Variants in KATNBL1 observed in about 807,000 individuals in gnomAD.
KATNBL1 encodes the protein katanin regulatory subunit B1 like 1.
KATNBL1 carries 28 observed loss-of-function variants against 44.7 expected under a neutral mutation model. The ratio of observed to expected loss-of-function variants is 0.63; its 90% CI spans 0.46 to 0.86. The LOEUF is 0.86. Among genes scored for constraint, KATNBL1 ranks in the 40% least tolerant of loss-of-function variants. The probability of loss-of-function intolerance (pLI) is 0.00; values close to 1 mark genes in which losing one functional copy is unlikely to be tolerated. For synonymous variants in KATNBL1, 78 were observed against 114.9 expected, an observed-to-expected ratio of 0.68 and a Z score of 2.06; for missense variants, 272 against 350.7, an observed-to-expected ratio of 0.78 and a Z score of 1.79.
chr15:34,150,326 C>G (rs1375740345), intron 4 of KATNBL1, among the ~76,000 whole-genome samples: 1 of 152,200 alleles, frequency 6.6e-6, no homozygotes, highest in East Asian at 1.9e-4. Context: ...CACAGTGGCT[C>G]ACACCTGTAA....
intron 1 of KATNBL1, among the ~76,000 whole-genome samples, chr15:34,172,888 T>C (rs1439828800): frequency 6.6e-6 from 1 of 152,110 alleles, no homozygotes; most frequent in African/African-American, 2.4e-5. Context: ...TCAAAACTAA[T>C]AGAGCTATAC....
At chr15:34,205,284 G>A (rs1361776746) in intron 1 of KATNBL1, among the ~76,000 whole-genome samples, 3 of 152,200 alleles carry the variant, frequency 2.0e-5, no homozygotes, top group Non-Finnish European at 4.4e-5. Flanking sequence ...GAGCCACTGT[G>A]CCTGAAGAGT....
intron 1 of KATNBL1, among the ~76,000 whole-genome samples, chr15:34,191,615 G>A (rs1217502511): frequency 6.6e-6 from 1 of 152,028 alleles, no homozygotes; most frequent in Admixed American, 6.6e-5. Context: ...TGGTAGTGTG[G>A]TTATGTGTTT....
chr15:34,181,853 G>GTCCATATATATA (rs61069155), intron 1 of KATNBL1, among the ~76,000 whole-genome samples: 67,177 of 74,982 alleles, frequency 0.9, 30,683 homozygotes, highest in East Asian at 0.99. Flanking sequence ...CATATATATA[G>GTCCATATATATA]TCCATATATA....
At chr15:34,205,564 G>A (rs191417130) in intron 1 of KATNBL1, among the ~76,000 whole-genome samples, 40 of 152,252 alleles carry the variant, frequency 2.6e-4, no homozygotes, top group Admixed American at 2.0e-3. Context: ...TAATAGTTCT[G>A]AAAGGCGATT....
At chr15:34,188,137 T>TAAAAAAACAAAAAAAAAAAAAAAAAA (rs1491479355) in intron 1 of KATNBL1, among the ~76,000 whole-genome samples, 1 of 22,098 alleles carries the variant, frequency 4.5e-5, no homozygotes, top group East Asian at 2.2e-3. Context: ...AGACGCCATG[T>TAAAAAAACAAAAAAAAAAAAAAAAAA]AAAAAAAAAA....
chr15:34,146,455 T>A (rs925716092), intron 8 of KATNBL1: 2 of 239,606 alleles, frequency 8.3e-6, no homozygotes, highest in Non-Finnish European at 1.6e-5. Context: ...TATTACACTG[T>A]GGGCATCTCT....
intron 1 of KATNBL1, among the ~76,000 whole-genome samples, chr15:34,193,487 T>C (rs889869476): frequency 2.6e-5 from 4 of 151,960 alleles, no homozygotes; most frequent in African/African-American, 9.7e-5. Context: ...TGAACAGAGA[T>C]GGCGCCACTG....
At chr15:34,203,401 A>T (rs9672544) in intron 1 of KATNBL1, among the ~76,000 whole-genome samples, 23,460 of 152,166 alleles carry the variant, frequency 0.15, 1,954 homozygotes, top group African/African-American at 0.21. Context: ...CTTCAGCCAC[A>T]CTGGCCTTCT....
chr15:34,204,468 T>C (rs367828260), intron 1 of KATNBL1, among the ~76,000 whole-genome samples: 6 of 152,240 alleles, frequency 3.9e-5, no homozygotes, highest in Admixed American at 1.3e-4. Context: ...TCATGTCCCC[T>C]AGTCAGCCTT....
At chr15:34,146,612 G>C (rs1000341315) in intron 8 of KATNBL1, 149 bp downstream of exon 8, 51 of 574,346 alleles carry the variant, frequency 8.9e-5, no homozygotes, top group Admixed American at 7.2e-4. Flanking sequence ...TTTCACAAAT[G>C]AACAGTCTCT....
chr15:34,198,370 A>G (rs1333919249), intron 1 of KATNBL1: 1 of 152,176 alleles, frequency 6.6e-6, no homozygotes, highest in Non-Finnish European at 1.5e-5. Flanking sequence ...TTATAATACA[A>G]TATGTCAAGC....
intron 1 of KATNBL1, among the ~76,000 whole-genome samples, chr15:34,178,851 T>C (rs943024735): frequency 1.3e-5 from 2 of 152,016 alleles, no homozygotes. Flanking sequence ...GGCCTGTACG[T>C]ACTGATTCCT....
At chr15:34,193,627 G>T (rs1285948092) in intron 1 of KATNBL1, among the ~76,000 whole-genome samples, 3 of 151,946 alleles carry the variant, frequency 2.0e-5, no homozygotes, top group Non-Finnish European at 4.4e-5. Context: ...AAATGCAGTT[G>T]GGTCGCTTGA....
intron 1 of KATNBL1, among the ~76,000 whole-genome samples, chr15:34,183,300 G>C (rs550823033): frequency 6.6e-6 from 1 of 152,178 alleles, no homozygotes; most frequent in African/African-American, 2.4e-5. Context: ...TCAGGCCAAT[G>C]GGAGTTAAAA....
intron 1 of KATNBL1, among the ~76,000 whole-genome samples, chr15:34,178,158 C>T (rs11852537): frequency 0.33 from 49,863 of 152,002 alleles, 8,599 homozygotes; most frequent in African/African-American, 0.45. Flanking sequence ...TTTCTATTTT[C>T]GTTAATTGAA....
intron 1 of KATNBL1, among the ~76,000 whole-genome samples, chr15:34,200,813 TGTTTTG>T (rs1428564216): frequency 1.0e-4 from 11 of 108,914 alleles, no homozygotes; most frequent in African/African-American, 4.2e-4. Flanking sequence ...TCAGTGTTTT[TGTTTTG>T]TTTTGTTTTG....
In KATNBL1 at chr15:34,152,895, A is replaced by C. The variant is rs1327170309; in HGVS notation, c.333T>G (p.Pro111=). 6.2e-7 allele frequency: 1 copy of C among 1,613,864 alleles called. No individual in the cohort carries two copies. The highest frequency in any genetic ancestry group is 8.5e-7 in the Non-Finnish European group (1 of 1,179,854). Residue 111 remains proline (P), a synonymous_variant, in exon 4 of 10, where the codon CCT becomes CCG. Coordinates refer to ENST00000256544, the MANE Select transcript of KATNBL1 (RefSeq NM_024713.3). ...TTCGACTATCATGGTGTAATTTTTC[A>C]GGCAGGTGGCCTGCACAAGCCAGTT... The part of the protein sequence containing the change: ...ENELACAGHL[P]EKLHHDSRTY...
intron 1 of KATNBL1, among the ~76,000 whole-genome samples, chr15:34,184,230 C>T (rs1421082981): frequency 6.6e-6 from 1 of 151,150 alleles, no homozygotes; most frequent in Non-Finnish European, 1.5e-5. Flanking sequence ...GGCGTGAACC[C>T]GAGAGGCTGA....
Sources: gnomAD v4.1 joint callset for allele counts (sites outside exome capture counted in the v4.1 genomes callset) on GRCh38, gnomAD v4.1.1 for gene constraint, MANE v1.5 for transcripts, NCBI Gene and HGNC (gene_info 2026-07-23, HGNC 2026-07-21) for gene names.